Variants in WWOX observed in about 807,000 individuals in gnomAD.
WWOX encodes WW domain containing oxidoreductase, also known as WW domain-containing oxidoreductase.
WWOX carries 69 observed loss-of-function variants against 46.2 expected under a neutral mutation model. That is an observed-to-expected ratio of 1.49 (90% CI 1.23 to 1.82). The LOEUF (loss-of-function observed/expected upper bound fraction) is 1.82, where lower values mean the gene tolerates loss of function less well. WWOX is among the 40% of genes most tolerant of loss of function. WWOX has a pLI of 0.00. For synonymous variants in WWOX, 359 were observed against 202.6 expected (o/e 1.77, Z -6.56); for missense variants, 919 against 542.6 (o/e 1.69, Z -6.89).
At chr16:78,906,063 A>G (rs143447463) in intron 8 of WWOX, among the ~76,000 whole-genome samples, 180 of 152,352 alleles carry the variant, frequency 1.2e-3, no homozygotes, top group African/African-American at 3.9e-3. Flanking sequence ...AACATAGGCT[A>G]CAGTATTTTG....
chr16:78,900,574 T>A (rs1399900489), intron 8 of WWOX, among the ~76,000 whole-genome samples: 1 of 152,204 alleles, frequency 6.6e-6, no homozygotes, highest in African/African-American at 2.4e-5. Flanking sequence ...GCCTTCAGGT[T>A]ATTTGTAACC....
chr16:78,541,261 T>TC (rs2043885775), intron 8 of WWOX, among the ~76,000 whole-genome samples: 1 of 150,666 alleles, frequency 6.6e-6, no homozygotes. Context: ...GATCACGAGG[T>TC]CAGGAGATCG....
At chr16:78,321,041 A>C (rs1414811323) in intron 5 of WWOX, among the ~76,000 whole-genome samples, 1 of 152,150 alleles carries the variant, frequency 6.6e-6, no homozygotes, top group Non-Finnish European at 1.5e-5. Flanking sequence ...CACAGATGGC[A>C]TATGAGAATA....
intron 8 of WWOX, among the ~76,000 whole-genome samples, chr16:79,093,666 T>G (rs1216751054): frequency 6.6e-6 from 1 of 152,182 alleles, no homozygotes; most frequent in Admixed American, 6.5e-5. Context: ...TACCGCACAC[T>G]TCCTGTCGAG....
At chr16:79,093,008 A>C (rs957948791) in intron 8 of WWOX, among the ~76,000 whole-genome samples, 2 of 152,210 alleles carry the variant, frequency 1.3e-5, no homozygotes, top group African/African-American at 4.8e-5. Context: ...TATATTCAAT[A>C]GCAAAAACCG....
intron 8 of WWOX, among the ~76,000 whole-genome samples, chr16:78,653,080 T>C (rs375271686): frequency 6.6e-6 from 1 of 152,210 alleles, no homozygotes; most frequent in South Asian, 2.1e-4. Context: ...TTTTGTTGCA[T>C]GTTCTTTTCT....
intron 8 of WWOX, among the ~76,000 whole-genome samples, chr16:78,964,702 G>A (rs1215665777): frequency 6.6e-6 from 1 of 152,174 alleles, no homozygotes; most frequent in Admixed American, 6.5e-5. Flanking sequence ...AGACCATGAG[G>A]AAAATGTCTC....
At chr16:78,453,156 G>C (rs1200323648) in intron 8 of WWOX, among the ~76,000 whole-genome samples, 1 of 152,150 alleles carries the variant, frequency 6.6e-6, no homozygotes, top group Non-Finnish European at 1.5e-5. Context: ...CTGTGTGGTA[G>C]CTCACTTCTG....
chr16:78,702,046 A>T lies in WWOX; in HGVS notation c.1056+269294A>T, dbSNP rs866122845. ...ATATATATATATATATATATATATA[A>T]AATAATGCAGAAGTTTTATATATAT... On this transcript the variant is annotated intron_variant, in intron 8 of 8. Coordinates refer to ENST00000566780, the MANE Select transcript of WWOX (RefSeq NM_016373.4). Among the ~76,000 whole-genome samples, 27 of 91,402 alleles carry T rather than the reference A, an allele frequency of 3.0e-4. 1 individual carries two copies. Among genetic ancestry groups the T allele is most frequent in the African/African-American group, 1.0e-3 (22 of 21,322 alleles). The allele number at this position is 91,402 out of a possible 152,430, so 60.0% of individuals were successfully genotyped here. A position where few individuals can be genotyped will look rare whatever the true frequency, so the allele number is the denominator to read the frequency against.
intron 8 of WWOX, among the ~76,000 whole-genome samples, chr16:79,079,199 A>G (rs1464663034): frequency 3.3e-5 from 5 of 152,158 alleles, no homozygotes; most frequent in African/African-American, 1.2e-4. Flanking sequence ...CACCACCTTT[A>G]TTTTTAGCAT....
At chr16:78,959,997 A>G (rs1229926302) in intron 8 of WWOX, among the ~76,000 whole-genome samples, 1 of 152,212 alleles carries the variant, frequency 6.6e-6, no homozygotes, top group African/African-American at 2.4e-5. Flanking sequence ...GGTTAACTAA[A>G]GGAAATACCA....
At chr16:78,511,142 A>C (rs887423005) in intron 8 of WWOX, among the ~76,000 whole-genome samples, 1 of 152,200 alleles carries the variant, frequency 6.6e-6, no homozygotes, top group Non-Finnish European at 1.5e-5. Flanking sequence ...TGATATTTAC[A>C]GCCCTTGCAA....
intron 6 of WWOX, among the ~76,000 whole-genome samples, chr16:78,418,589 T>C (rs779450630): frequency 3.3e-5 from 5 of 152,150 alleles, no homozygotes; most frequent in African/African-American, 7.2e-5. Context: ...CAGCCACATA[T>C]ACAAAGAATT....
intron 8 of WWOX, among the ~76,000 whole-genome samples, chr16:78,854,892 T>C (rs1224342263): frequency 6.8e-6 from 1 of 147,510 alleles, no homozygotes. Flanking sequence ...TATTTGCTGA[T>C]TTTTGAACAG....
intron 8 of WWOX, among the ~76,000 whole-genome samples, chr16:78,894,154 T>G (rs985891632): frequency 1.1e-4 from 17 of 152,050 alleles, no homozygotes; most frequent in African/African-American, 4.1e-4. Context: ...TCCTCCCACC[T>G]CAGCCTCCTG....
intron 8 of WWOX, among the ~76,000 whole-genome samples, chr16:78,788,731 G>T (rs1168183528): frequency 6.6e-6 from 1 of 152,166 alleles, no homozygotes; most frequent in Non-Finnish European, 1.5e-5. Context: ...CAAACCCAAA[G>T]AGGGGGTTAT....
intron 8 of WWOX, among the ~76,000 whole-genome samples, chr16:79,005,513 A>G (rs1956489401): frequency 6.6e-6 from 1 of 152,140 alleles, no homozygotes; most frequent in African/African-American, 2.4e-5. Flanking sequence ...CTCTCTCTGA[A>G]AACTCTATGG....
At chr16:78,149,973 T>A (rs1464911758) in intron 4 of WWOX, among the ~76,000 whole-genome samples, 6 of 152,292 alleles carry the variant, frequency 3.9e-5, no homozygotes, top group African/African-American at 7.2e-5. Context: ...GGACCCCAGC[T>A]TGGTGTCCTA....
At chr16:78,202,318 G>T (rs775936759) in intron 5 of WWOX, among the ~76,000 whole-genome samples, 18 of 152,198 alleles carry the variant, frequency 1.2e-4, no homozygotes, top group Non-Finnish European at 2.2e-4. Context: ...AATGAAGGGT[G>T]GTTCTCCAAA....
Sources: allele counts gnomAD v4.1 joint callset (sites outside exome capture counted in the v4.1 genomes callset), GRCh38; gene constraint gnomAD v4.1.1; transcripts MANE v1.5; gene names NCBI Gene and HGNC (gene_info 2026-07-23, HGNC 2026-07-21).